The following PGM5 variants were observed in gnomAD, a reference collection of about 807,000 sequenced individuals.
PGM5 encodes phosphoglucomutase-like protein 5.
Under a neutral mutation model 59.2 loss-of-function variants are expected in PGM5, and 23 were observed. The ratio of observed to expected loss-of-function variants is 0.39; its 90% CI spans 0.28 to 0.55. The LOEUF is 0.55. PGM5 is among the 20% of genes least tolerant of loss of function. PGM5 has a pLI of 0.66. For synonymous variants in PGM5, 214 were observed against 286.0 expected, an observed-to-expected ratio of 0.75 and a Z score of 2.54; for missense variants, 574 against 748.3, an observed-to-expected ratio of 0.77 and a Z score of 2.72.
At chr9:68,400,755 A>G (rs1822646200) in intron 6 of PGM5, 2 of 152,308 alleles carry the variant, frequency 1.3e-5, no homozygotes, top group Non-Finnish European at 2.9e-5. Flanking sequence ...AATGAGTTGG[A>G]TTTTTAGTAA....
intron 6 of PGM5, among the ~76,000 whole-genome samples, chr9:68,453,101 G>A (rs1823722639): frequency 1.3e-5 from 2 of 152,212 alleles, no homozygotes; most frequent in African/African-American, 4.8e-5. Context: ...GTGTAAATGT[G>A]AGAAATGTAT....
rs71353047 is a variant in PGM5, at chr9:68,376,475, C to CTGTGTGTG, written c.262-1682_262-1675dup. 3.1e-3 allele frequency among the ~76,000 whole-genome samples: 396 copies of CTGTGTGTG among 129,632 alleles called. 3 individuals are homozygous for CTGTGTGTG. Among genetic ancestry groups the CTGTGTGTG allele is most frequent in the South Asian group, 5.0e-3 (18 of 3,618 alleles). 85.0% of individuals were successfully genotyped at this position (129,632 alleles called of 152,430 possible). On this transcript the variant is annotated intron_variant, in intron 1 of 10. Transcript: ENST00000396396. Reference sequence around the variant, plus strand: ...ATCCCAAGGCCACTTTGCTTTTGAGCTGTGTGTGTGTGTGTGTGTGTGTGT... The same window carrying CTGTGTGTG: ...ATCCCAAGGCCACTTTGCTTTTGAGCTGTGTGTGTGTGTGTGTGTGTGTGTGTGTGTGT...
chr9:68,424,808 T>C (rs982391135), intron 6 of PGM5, among the ~76,000 whole-genome samples: 1 of 152,244 alleles, frequency 6.6e-6, no homozygotes, highest in Admixed American at 6.5e-5. Flanking sequence ...TACCTATTAA[T>C]GTCTCTTAGG....
chr9:68,425,835 T>G (rs1554682666), intron 6 of PGM5, among the ~76,000 whole-genome samples: 1 of 152,184 alleles, frequency 6.6e-6, no homozygotes, highest in Admixed American at 6.5e-5. Flanking sequence ...CAAAAAGCAC[T>G]AAGAGATGCC....
At chr9:68,406,875 T>C (rs1822831662) in intron 6 of PGM5, among the ~76,000 whole-genome samples, 1 of 150,788 alleles carries the variant, frequency 6.6e-6, no homozygotes, top group Admixed American at 6.6e-5. Flanking sequence ...CATTAAGGAC[T>C]AAATGTTGGC....
At chr9:68,479,595 C>G in intron 8 of PGM5, 42 bp downstream of exon 8, 1 of 1,598,248 alleles carries the variant, frequency 6.3e-7, no homozygotes. Context: ...CCCTGAAGAA[C>G]TACTCCTAGA....
intron 6 of PGM5, among the ~76,000 whole-genome samples, chr9:68,424,274 G>A (rs1347831673): frequency 1.3e-5 from 2 of 152,166 alleles, no homozygotes; most frequent in African/African-American, 4.8e-5. Context: ...CAGACAGTGT[G>A]GCTTATGAAC....
intron 6 of PGM5, among the ~76,000 whole-genome samples, chr9:68,453,834 C>G (rs1554684597): frequency 6.6e-6 from 1 of 152,158 alleles, no homozygotes; most frequent in African/African-American, 2.4e-5. Context: ...GTTAGGTGTC[C>G]CAGCATCTAA....
intron 6 of PGM5, among the ~76,000 whole-genome samples, chr9:68,420,754 G>A (rs544404954): frequency 2.8e-4 from 42 of 152,282 alleles, no homozygotes; most frequent in African/African-American, 9.6e-4. Flanking sequence ...TGGTCTTGGT[G>A]CTTGAGGAAT....
intron 9 of PGM5, among the ~76,000 whole-genome samples, chr9:68,494,979 G>A (rs1029770668): frequency 7.2e-5 from 11 of 152,326 alleles, no homozygotes; most frequent in Middle Eastern, 3.4e-3. Context: ...GTTGTCGAAC[G>A]TGCAGTGACA....
At chr9:68,480,621 C>T (rs1824181638) in intron 8 of PGM5, among the ~76,000 whole-genome samples, 2 of 151,880 alleles carry the variant, frequency 1.3e-5, no homozygotes, top group Non-Finnish European at 2.9e-5. Context: ...ATCGCTTGAA[C>T]CTGGGAGGCA....
intron 8 of PGM5, among the ~76,000 whole-genome samples, chr9:68,481,151 G>A (rs1445011977): frequency 6.6e-6 from 1 of 152,184 alleles, no homozygotes; most frequent in Non-Finnish European, 1.5e-5. Flanking sequence ...TTCCTCATAA[G>A]GTGATTATTT....
At chr9:68,492,667 G>T (rs148192554) in intron 9 of PGM5, among the ~76,000 whole-genome samples, 1 of 152,092 alleles carries the variant, frequency 6.6e-6, no homozygotes, top group South Asian at 2.1e-4. Context: ...GGTAGAGGGG[G>T]GCACCTGTTT....
intron 1 of PGM5, among the ~76,000 whole-genome samples, chr9:68,369,515 A>T (rs545934014): frequency 6.6e-6 from 1 of 152,002 alleles, no homozygotes. Flanking sequence ...AGCACTTCCT[A>T]TGTACTGAAA....
intron 6 of PGM5, among the ~76,000 whole-genome samples, chr9:68,430,990 C>T (rs1823335575): frequency 6.6e-6 from 1 of 152,160 alleles, no homozygotes; most frequent in African/African-American, 2.4e-5. Context: ...AGGTGTCATA[C>T]CCACCTTTTC....
At chr9:68,485,639 T>G (rs1824282859) in intron 9 of PGM5, among the ~76,000 whole-genome samples, 1 of 152,176 alleles carries the variant, frequency 6.6e-6, no homozygotes, top group Non-Finnish European at 1.5e-5. Flanking sequence ...AGTATGAAAA[T>G]GGACTAATAC....
chr9:68,499,422 T>G, intron 10 of PGM5, 61 bp downstream of exon 10: 9 of 1,546,552 alleles, frequency 5.8e-6, no homozygotes, highest in Non-Finnish European at 7.9e-6. Context: ...TTTAGAGAGC[T>G]CCATGGGCCT....
rs534075767 is a variant in PGM5 at position 68,432,957 on chromosome 9, T to C, written c.1044-32136T>C. On this transcript the variant is annotated intron_variant, in intron 6 of 10. Transcript: ENST00000396396. The stretch of plus-strand genomic sequence containing the variant: ...GTTATTTTATTCCGTTATACCATGA[T>C]GGAATCTTGTACACAATAATTCCCC... 2.6e-5 allele frequency among the ~76,000 whole-genome samples: 4 copies of C among 152,322 alleles called. No individual in the cohort carries two copies. The South Asian group carries it at 8.3e-4, about 32-fold the overall frequency.
At chr9:68,375,263 G>A (rs191769490) in intron 1 of PGM5, among the ~76,000 whole-genome samples, 169 of 152,306 alleles carry the variant, frequency 1.1e-3, no homozygotes, top group African/African-American at 3.8e-3. Flanking sequence ...GATCTGCATC[G>A]TTCAGTGTGG....
Sources: allele counts gnomAD v4.1 joint callset (sites outside exome capture counted in the v4.1 genomes callset), GRCh38; gene constraint gnomAD v4.1.1; transcripts MANE v1.5; gene names NCBI Gene and HGNC (gene_info 2026-07-23, HGNC 2026-07-21).